AFF1: variants seen among roughly 807,000 people sequenced by gnomAD.
AFF1 encodes ALF transcription elongation factor 1, also known as AF4/FMR2 family member 1.
AFF1 carries 48 observed loss-of-function variants against 121.7 expected under a neutral mutation model. The observed-to-expected ratio is 0.39, with a 90% CI of 0.31 to 0.50. The LOEUF (loss-of-function observed/expected upper bound fraction) is 0.50, where lower values mean the gene tolerates loss of function less well. Among genes scored for constraint, AFF1 ranks in the 20% least tolerant of loss-of-function variants. The probability of loss-of-function intolerance (pLI) is 0.76; values close to 1 mark genes in which losing one functional copy is unlikely to be tolerated. For missense variants in AFF1, 1,523 were observed against 1,511.7 expected, an observed-to-expected ratio of 1.01 and a Z score of -0.12; for synonymous variants, 613 against 563.0, an observed-to-expected ratio of 1.09 and a Z score of -1.26.
Position 87,046,756 on chromosome 4 carries a change from T to C in AFF1, c.221T>C (p.Val74Ala). ...IQNMLGNYEE[V>A]KEFLSTKSHT... ...AACATGTTGGGAAACTACGAAGAAG[T>C]GAAGGAGTTCCTTAGTACTAAGTCT... The change falls in exon 4 of 21, where the codon GTG becomes GCG. Residue 74 changes from valine (V) to alanine (A), a missense_variant. Coordinates refer to ENST00000395146, the MANE Select transcript of AFF1 (RefSeq NM_001166693.3). The C allele has an allele frequency of 6.2e-7, 1 of 1,614,138 alleles. No homozygotes were observed. The highest frequency in any genetic ancestry group is 8.5e-7 in the Non-Finnish European group (1 of 1,180,022).
chr4:86,944,590 C>T (rs1230976270), intron 1 of AFF1, among the ~76,000 whole-genome samples: 7 of 152,164 alleles, frequency 4.6e-5, no homozygotes, highest in African/African-American at 1.4e-4. Context: ...GTGATTTGCC[C>T]GCCTCGGCCT....
At position 87,115,100 on chromosome 4, in the gene AFF1, T is replaced by C; in HGVS notation, c.2267T>C (p.Leu756Pro). 1 of 1,613,988 alleles carries C rather than the reference T, an allele frequency of 6.2e-7. No homozygotes were observed. Among genetic ancestry groups the C allele is most frequent in the Non-Finnish European group, 8.5e-7 (1 of 1,179,990 alleles). Residue 756 changes from leucine (L) to proline (P), a missense_variant, in exon 12 of 21, where the codon CTC becomes CCC. Leu to Pro is a moderately conservative substitution (Grantham distance 98, BLOSUM62 -3). Around this residue, in one of 5 missense-constraint regions of AFF1, gnomAD observed 905 missense variants for 842.5 expected, o/e 1.07. Coordinates refer to ENST00000395146, the MANE Select transcript of AFF1 (RefSeq NM_001166693.3). Reference sequence around the variant, plus strand: ...TTGCCTTTGAGAGACACCAAGCTGCTCTCACCGCTCAGGGACACTCCTCCC... The same window carrying C: ...TTGCCTTTGAGAGACACCAAGCTGCCCTCACCGCTCAGGGACACTCCTCCC... ...LPLPLRDTKLLSPLRDTPPPQ... is the reference protein window; with the variant it reads ...LPLPLRDTKLPSPLRDTPPPQ...
At chr4:87,069,565 T>TCTCTCTC (rs988040985) in intron 4 of AFF1, among the ~76,000 whole-genome samples, 1 of 145,962 alleles carries the variant, frequency 6.9e-6, no homozygotes, top group Non-Finnish European at 1.5e-5. Flanking sequence ...TTCCCTCTCC[T>TCTCTCTC]CTCTCTCCTC....
intron 2 of AFF1, among the ~76,000 whole-genome samples, chr4:86,964,532 T>G (rs1722397150): frequency 6.6e-6 from 1 of 150,538 alleles, no homozygotes; most frequent in Admixed American, 6.7e-5. Context: ...ACCTCCTGGG[T>G]TCAAGCAATT....
intron 2 of AFF1, among the ~76,000 whole-genome samples, chr4:86,991,731 T>C (rs890235380): frequency 1.3e-5 from 2 of 152,066 alleles, no homozygotes; most frequent in African/African-American, 2.4e-5. Flanking sequence ...TAGTGTGGCT[T>C]GCTAATCACC....
chr4:87,108,368 T>G (rs549503311), intron 11 of AFF1, 53 bp downstream of exon 11: 3 of 1,585,046 alleles, frequency 1.9e-6, no homozygotes, highest in Non-Finnish European at 2.6e-6. Context: ...TTCTGTCCTT[T>G]GAAGTTAGAG....
chr4:86,985,197 A>G (rs1724131587), intron 2 of AFF1, among the ~76,000 whole-genome samples: 1 of 127,748 alleles, frequency 7.8e-6, no homozygotes, highest in Non-Finnish European at 1.6e-5. Flanking sequence ...ATATATATAT[A>G]TATATATATA....
At chr4:87,089,872 T>A (rs1405540768) in intron 5 of AFF1, 112 bp from the exon 6 acceptor site, 10 of 722,018 alleles carry the variant, frequency 1.4e-5, no homozygotes, top group Admixed American at 2.5e-5. Flanking sequence ...ACTTTTAAGA[T>A]TGTACTTGCC....
At chr4:87,027,926 G>A (rs1479663633) in intron 2 of AFF1, among the ~76,000 whole-genome samples, 1 of 151,240 alleles carries the variant, frequency 6.6e-6, no homozygotes, top group Non-Finnish European at 1.5e-5. Context: ...TCCCAAGTAG[G>A]TGGGATTACA....
At position 87,138,279 on chromosome 4, in the gene AFF1, A is replaced by T. The variant is rs138379929; in HGVS notation, c.*2578A>T. The T allele has an allele frequency of 2.1e-3, 483 of 232,634 alleles. No homozygotes were observed. Among genetic ancestry groups the T allele is most frequent in the Non-Finnish European group, 3.3e-3 (385 of 117,700 alleles). The allele number at this position is 232,634 out of a possible 1,614,324, so 14.4% of individuals were successfully genotyped here. A position where few individuals can be genotyped will look rare whatever the true frequency, so the allele number is the denominator to read the frequency against. ...GTATATAGAGGTCTGAAGGATTTTT[A>T]AAATGATTTGCACTTTTTCACTGCA... is the stretch of plus-strand genomic sequence containing the variant. On this transcript the variant is annotated 3_prime_UTR_variant, in exon 21 of 21. Transcript: ENST00000395146.
In AFF1 at chr4:87,139,751, C is replaced by A. The variant is rs1270394278; in HGVS notation, c.*4050C>A. 1 of 226,622 alleles carries A rather than the reference C, an allele frequency of 4.4e-6. No homozygotes were observed. The highest frequency in any genetic ancestry group is 8.8e-6 in the Non-Finnish European group (1 of 114,160). The allele number at this position is 226,622 out of a possible 1,614,324, so 14.0% of individuals were successfully genotyped here. ...GGAAGGAGGTGTAACGGCAGAATAGCATCGTGTTGGGGGTTTTCCTTCAAA... is the reference window on the plus strand; with the variant it reads ...GGAAGGAGGTGTAACGGCAGAATAGAATCGTGTTGGGGGTTTTCCTTCAAA... On this transcript the variant is annotated 3_prime_UTR_variant, in exon 21 of 21. Coordinates refer to ENST00000395146, the MANE Select transcript of AFF1 (RefSeq NM_001166693.3).
intron 2 of AFF1, among the ~76,000 whole-genome samples, chr4:87,005,466 A>G (rs1341374240): frequency 1.3e-5 from 2 of 152,268 alleles, no homozygotes; most frequent in Non-Finnish European, 2.9e-5. Context: ...CATCATTGGC[A>G]ATAAGTACTG....
chr4:87,132,444 T>G, intron 19 of AFF1, 36 bp downstream of exon 19: 1 of 1,561,158 alleles, frequency 6.4e-7, no homozygotes, highest in Middle Eastern at 1.8e-4. Context: ...TTTCCAGAAT[T>G]GAGTCATTTC....
intron 11 of AFF1, among the ~76,000 whole-genome samples, chr4:87,111,959 T>C (rs983029385): frequency 6.6e-6 from 1 of 152,224 alleles, no homozygotes; most frequent in Non-Finnish European, 1.5e-5. Context: ...AAACCAGATG[T>C]TATTTATACT....
At chr4:87,063,479 TC>T (rs1721011636) in intron 4 of AFF1, among the ~76,000 whole-genome samples, 10 of 152,112 alleles carry the variant, frequency 6.6e-5, no homozygotes, top group Admixed American at 6.5e-4. Context: ...CCTCAGGTGA[TC>T]CGCCCACCTC....
intron 1 of AFF1, among the ~76,000 whole-genome samples, chr4:86,939,758 C>T (rs1333974540): frequency 1.3e-5 from 2 of 152,192 alleles, no homozygotes; most frequent in Non-Finnish European, 2.9e-5. Context: ...ATAATGTACT[C>T]CTGAAAGGCT....
At chr4:86,979,079 C>T (rs1221691517) in intron 2 of AFF1, among the ~76,000 whole-genome samples, 1 of 152,072 alleles carries the variant, frequency 6.6e-6, no homozygotes, top group African/African-American at 2.4e-5. Context: ...TCACTGAATA[C>T]CGTCTCCTTT....
intron 2 of AFF1, among the ~76,000 whole-genome samples, chr4:87,022,783 C>T (rs1728156887): frequency 6.7e-6 from 1 of 149,638 alleles, no homozygotes; most frequent in African/African-American, 2.5e-5. Flanking sequence ...TATATATATA[C>T]ATATCACGTG....
chr4:87,082,475 A>G (rs1723271073), intron 4 of AFF1, among the ~76,000 whole-genome samples: 1 of 152,196 alleles, frequency 6.6e-6, no homozygotes, highest in South Asian at 2.1e-4. Context: ...ACCTGACTTC[A>G]AGACTCTTTC....
Sources: allele counts gnomAD v4.1 joint callset (sites outside exome capture counted in the v4.1 genomes callset), GRCh38; gene constraint gnomAD v4.1.1; regional missense constraint gnomAD v4.1.1; transcripts MANE v1.5; gene names NCBI Gene and HGNC (gene_info 2026-07-23, HGNC 2026-07-21).